Variants in SOX5 observed in about 807,000 individuals in gnomAD.
The protein encoded by SOX5 is transcription factor SOX-5.
SOX5 carries 9 observed loss-of-function variants against 92.0 expected under a neutral mutation model. The observed-to-expected ratio is 0.10, with a 90% CI of 0.06 to 0.17. SOX5 has a LOEUF of 0.17. SOX5 is among the 10% of genes least tolerant of loss of function. The probability of loss-of-function intolerance (pLI) is 1.00; values close to 1 mark genes in which losing one functional copy is unlikely to be tolerated. For synonymous variants in SOX5, 344 were observed against 336.3 expected (o/e 1.02, Z -0.25); for missense variants, 642 against 944.5 (o/e 0.68, Z 4.20).
chr12:23,788,518 TA>T (rs141551443), intron 3 of SOX5, among the ~76,000 whole-genome samples: 15,721 of 151,914 alleles, frequency 0.1, 923 homozygotes, highest in East Asian at 0.2. Context: ...ACTTACGAGG[TA>T]ATGTCAAAGC....
chr12:23,569,771 G>A (rs1947820378), intron 10 of SOX5, among the ~76,000 whole-genome samples: 1 of 152,176 alleles, frequency 6.6e-6, no homozygotes, highest in Middle Eastern at 3.2e-3. Flanking sequence ...CCTTCTGTGA[G>A]AACTTCTCTT....
intron 5 of SOX5, among the ~76,000 whole-genome samples, chr12:23,736,406 G>A (rs531519801): frequency 2.0e-5 from 3 of 152,130 alleles, no homozygotes; most frequent in African/African-American, 7.2e-5. Flanking sequence ...AGCTTGCAGT[G>A]AGCCAAGATC....
At chr12:24,351,357 C>T (rs142585038) in intron 2 of SOX5, among the ~76,000 whole-genome samples, 9 of 152,232 alleles carry the variant, frequency 5.9e-5, no homozygotes, top group South Asian at 2.1e-4. Context: ...AGAACAGACA[C>T]GTAAATTATC....
At chr12:24,381,920 A>G (rs1255470823) in intron 1 of SOX5, among the ~76,000 whole-genome samples, 1 of 152,228 alleles carries the variant, frequency 6.6e-6, no homozygotes, top group African/African-American at 2.4e-5. Context: ...AAAGAAAACA[A>G]TGTACATTAT....
chr12:24,298,524 A>C (rs1171084382), intron 2 of SOX5, among the ~76,000 whole-genome samples: 1 of 152,186 alleles, frequency 6.6e-6, no homozygotes, highest in African/African-American at 2.4e-5. Context: ...GAGATGAGTA[A>C]TAGGGCCAGG....
intron 1 of SOX5, among the ~76,000 whole-genome samples, chr12:23,900,772 C>T (rs1388794056): frequency 6.6e-6 from 1 of 152,064 alleles, no homozygotes; most frequent in Non-Finnish European, 1.5e-5. Flanking sequence ...TCAGCCCAGC[C>T]AACATGGTGA....
At position 24,549,782 on chromosome 12, in the gene SOX5, A is replaced by G. The variant is rs562021958; in HGVS notation, c.-251+12547T>C. 2.0e-5 allele frequency among the ~76,000 whole-genome samples: 3 copies of G among 152,298 alleles called. No individual in the cohort carries two copies. The East Asian group carries it at 5.8e-4, about 29-fold the overall frequency. Reference sequence around the variant, plus strand: ...AACCAGACTTAAGAATCTTAGTCGCATCCATGTGTGGTACCCAGGCACTCT... The same window carrying G: ...AACCAGACTTAAGAATCTTAGTCGCGTCCATGTGTGGTACCCAGGCACTCT... On this transcript the variant is annotated intron_variant, in intron 1 of 4. Coordinates refer to the SOX5 transcript ENST00000446891.
rs1338392743 is a variant in SOX5 at position 23,570,929 on chromosome 12, AAATATATATATATATATATATAT to A, written c.1342+4709_1342+4731del. Reference sequence around the variant, plus strand: ...CCAACTCAAAAAAAAAAAAAAAAAAAAATATATATATATATATATATATATATATATATATATATATATATATA... The same window carrying A: ...CCAACTCAAAAAAAAAAAAAAAAAAAATATATATATATATATATATATATA... On this transcript the variant is annotated intron_variant, in intron 10 of 14. Coordinates refer to ENST00000451604, the MANE Select transcript of SOX5 (RefSeq NM_006940.6). 8.8e-3 allele frequency among the ~76,000 whole-genome samples: 140 copies of A among 15,990 alleles called. 15 individuals carry two copies. Among genetic ancestry groups the A allele is most frequent in the South Asian group, 0.035 (15 of 430 alleles). 10.5% of individuals were successfully genotyped at this position (15,990 alleles called of 152,430 possible). A position where few individuals can be genotyped will look rare whatever the true frequency, so the allele number is the denominator to read the frequency against.
In SOX5 at chr12:24,338,830, G is replaced by A. The variant is rs1050190755; in HGVS notation, c.-174+29733C>T. Among the ~76,000 whole-genome samples the A allele has an allele frequency of 3.3e-5, 5 of 151,998 alleles. No individual in the cohort carries two copies. The East Asian group carries it at 5.8e-4, about 18-fold the overall frequency. On this transcript the variant is annotated intron_variant, in intron 2 of 4. Transcript: ENST00000446891. Reference sequence around the variant, plus strand: ...TAAGATGTGGCTTTGCTCCTCCTTCGCCTTCCATCATGATTGTGAGGCCTC... The same window carrying A: ...TAAGATGTGGCTTTGCTCCTCCTTCACCTTCCATCATGATTGTGAGGCCTC...
intron 4 of SOX5, among the ~76,000 whole-genome samples, chr12:24,026,802 G>A (rs777483943): frequency 2.0e-5 from 3 of 151,940 alleles, no homozygotes; most frequent in Non-Finnish European, 2.9e-5. Flanking sequence ...CACTGCCATC[G>A]AAGACTCACA....
At chr12:24,436,473 C>A (rs1939448237) in intron 1 of SOX5, among the ~76,000 whole-genome samples, 1 of 152,202 alleles carries the variant, frequency 6.6e-6, no homozygotes, top group Admixed American at 6.5e-5. Context: ...GAGCAAGGCT[C>A]AAACTCTCTT....
chr12:23,895,781 T>A lies in SOX5; in HGVS notation c.270+12A>T. On this transcript the variant is annotated intron_variant, in intron 2 of 14. Coordinates refer to ENST00000451604, the MANE Select transcript of SOX5 (RefSeq NM_006940.6). ...AAGTGAGTGTAGGCACAATAAACCA[T>A]GAGAAACCTACCATTGTATTGTGCT... 1.3e-6 allele frequency: 2 copies of A among 1,569,454 alleles called. No homozygotes were observed. The highest frequency in any genetic ancestry group is 1.7e-4 in the Middle Eastern group (1 of 5,962).
chr12:24,270,100 C>T (rs1177703353), intron 3 of SOX5, among the ~76,000 whole-genome samples: 3 of 151,362 alleles, frequency 2.0e-5, no homozygotes, highest in Non-Finnish European at 4.4e-5. Flanking sequence ...CTCACTTTGT[C>T]GTCCAGGCTG....
At chr12:24,362,560 A>G (rs1955700900) in intron 2 of SOX5, among the ~76,000 whole-genome samples, 1 of 152,222 alleles carries the variant, frequency 6.6e-6, no homozygotes, top group African/African-American at 2.4e-5. Context: ...TAAAATCACT[A>G]TCAGAATAGA....
intron 4 of SOX5, among the ~76,000 whole-genome samples, chr12:24,116,392 T>C (rs1205958003): frequency 2.6e-5 from 4 of 151,930 alleles, no homozygotes; most frequent in East Asian, 1.9e-4. Flanking sequence ...TATTAATGCA[T>C]TAAATGAAGT....
intron 13 of SOX5, among the ~76,000 whole-genome samples, chr12:23,542,477 A>G (rs1328642182): frequency 6.6e-6 from 1 of 152,174 alleles, no homozygotes; most frequent in Non-Finnish European, 1.5e-5. Flanking sequence ...GAACTGGTCT[A>G]TAATAGGTAT....
At chr12:24,299,911 A>G (rs1013293863) in intron 2 of SOX5, among the ~76,000 whole-genome samples, 2 of 152,164 alleles carry the variant, frequency 1.3e-5, no homozygotes, top group Admixed American at 1.3e-4. Context: ...TTAATTTGCT[A>G]AGACTAAAGA....
chr12:23,655,187 T>C (rs2082158466), intron 7 of SOX5, among the ~76,000 whole-genome samples: 1 of 152,126 alleles, frequency 6.6e-6, no homozygotes, highest in African/African-American at 2.4e-5. Flanking sequence ...TGATTATCAA[T>C]AAAACTTCTT....
chr12:24,063,347 T>A (rs573282077), intron 4 of SOX5, among the ~76,000 whole-genome samples: 31 of 152,326 alleles, frequency 2.0e-4, no homozygotes, highest in African/African-American at 6.7e-4. Flanking sequence ...AATGAACAGA[T>A]AGACAACAAT....
Sources: allele counts gnomAD v4.1 joint callset (sites outside exome capture counted in the v4.1 genomes callset), GRCh38; gene constraint gnomAD v4.1.1; transcripts MANE v1.5; gene names NCBI Gene and HGNC (gene_info 2026-07-23, HGNC 2026-07-21).